Variants in NEGR1 observed in about 807,000 individuals in gnomAD.
NEGR1 encodes neuronal growth regulator 1, also known as IgLON family member 4.
Under a neutral mutation model 40.9 loss-of-function variants are expected in NEGR1, and 10 were observed. The observed-to-expected ratio is 0.24, with a 90% CI of 0.15 to 0.42. NEGR1 has a LOEUF of 0.42. Ranked by LOEUF, NEGR1 falls within the 10% of genes least tolerant of loss-of-function variation. The probability of loss-of-function intolerance (pLI) is 1.00; values close to 1 mark genes in which losing one functional copy is unlikely to be tolerated. For missense variants in NEGR1, 352 were observed against 438.9 expected (o/e 0.80, Z 1.77); for synonymous variants, 185 against 166.8 (o/e 1.11, Z -0.84).
chr1:72,021,862 A>G (rs1385068478), intron 1 of NEGR1, among the ~76,000 whole-genome samples: 1 of 152,136 alleles, frequency 6.6e-6, no homozygotes, highest in Admixed American at 6.6e-5. Context: ...GAGGCTGGGC[A>G]CGGTGGCTCA....
intron 1 of NEGR1, among the ~76,000 whole-genome samples, chr1:72,251,470 G>T (rs751426071): frequency 3.4e-4 from 51 of 152,184 alleles, no homozygotes; most frequent in Admixed American, 7.2e-4. Flanking sequence ...GTATCCATAC[G>T]GGGTTAGTTT....
chr1:71,755,123 T>A (rs561069131), intron 3 of NEGR1, among the ~76,000 whole-genome samples: 9 of 152,294 alleles, frequency 5.9e-5, no homozygotes, highest in African/African-American at 2.2e-4. Flanking sequence ...TCAAATATCC[T>A]TCTCCTCTCC....
At chr1:72,058,910 T>C (rs1647139711) in intron 1 of NEGR1, among the ~76,000 whole-genome samples, 1 of 151,678 alleles carries the variant, frequency 6.6e-6, no homozygotes, top group South Asian at 2.1e-4. Flanking sequence ...ATGTGTAATA[T>C]TAAAAATGGA....
intron 2 of NEGR1, among the ~76,000 whole-genome samples, chr1:71,904,798 G>A (rs1661232055): frequency 6.6e-6 from 1 of 152,042 alleles, no homozygotes; most frequent in South Asian, 2.1e-4. Flanking sequence ...ATGGCATCTG[G>A]CAATTTTACT....
At chr1:71,807,929 T>C (rs1657839421) in intron 2 of NEGR1, among the ~76,000 whole-genome samples, 1 of 152,334 alleles carries the variant, frequency 6.6e-6, no homozygotes, top group Admixed American at 6.5e-5. Context: ...TTATAATTTG[T>C]TCCACTCTCC....
intron 2 of NEGR1, among the ~76,000 whole-genome samples, chr1:71,840,248 C>T (rs529259371): frequency 3.3e-5 from 5 of 152,166 alleles, no homozygotes; most frequent in African/African-American, 1.2e-4. Flanking sequence ...TATAGTTCAA[C>T]AGCTGCAAAT....
At chr1:72,068,274 G>T (rs956642143) in intron 1 of NEGR1, among the ~76,000 whole-genome samples, 4 of 152,128 alleles carry the variant, frequency 2.6e-5, no homozygotes, top group Non-Finnish European at 5.9e-5. Flanking sequence ...CACATGGCAG[G>T]ATCCAGGATC....
At chr1:72,233,093 T>A (rs546799430) in intron 1 of NEGR1, among the ~76,000 whole-genome samples, 1 of 152,168 alleles carries the variant, frequency 6.6e-6, no homozygotes, top group South Asian at 2.1e-4. Context: ...GTAAATACAC[T>A]GAAATACAGA....
intron 1 of NEGR1, among the ~76,000 whole-genome samples, chr1:72,206,782 G>C (rs968835392): frequency 2.0e-5 from 3 of 151,992 alleles, no homozygotes; most frequent in Admixed American, 2.0e-4. Context: ...CTCTAAAATA[G>C]CTAAAATTTC....
At chr1:71,450,859 T>C (rs981325283) in intron 6 of NEGR1, among the ~76,000 whole-genome samples, 2 of 152,138 alleles carry the variant, frequency 1.3e-5, no homozygotes, top group African/African-American at 4.8e-5. Context: ...GGTAACTTTT[T>C]CTTTTGTTTC....
At chr1:71,879,055 C>G (rs538980905) in intron 2 of NEGR1, among the ~76,000 whole-genome samples, 23 of 151,864 alleles carry the variant, frequency 1.5e-4, no homozygotes, top group African/African-American at 5.1e-4. Context: ...ATCACTTGAA[C>G]CCGGGAGGCA....
chr1:72,247,582 T>C (rs1223608133), intron 1 of NEGR1, among the ~76,000 whole-genome samples: 1 of 152,158 alleles, frequency 6.6e-6, no homozygotes, highest in African/African-American at 2.4e-5. Context: ...CCCAATAACT[T>C]CCTCATTTCT....
intron 3 of NEGR1, among the ~76,000 whole-genome samples, chr1:71,725,052 T>C (rs1483208453): frequency 1.3e-5 from 2 of 152,134 alleles, no homozygotes; most frequent in African/African-American, 2.4e-5. Flanking sequence ...TAATGTTCAG[T>C]GTTTTCCAAA....
intron 3 of NEGR1, among the ~76,000 whole-genome samples, chr1:71,717,960 C>CG (rs1430916564): frequency 6.6e-6 from 1 of 152,150 alleles, no homozygotes; most frequent in Non-Finnish European, 1.5e-5. Context: ...AAGGAACCAA[C>CG]ATGGCCAAAT....
intron 2 of NEGR1, among the ~76,000 whole-genome samples, chr1:71,850,596 T>C (rs1225416574): frequency 6.6e-6 from 1 of 152,176 alleles, no homozygotes; most frequent in African/African-American, 2.4e-5. Context: ...ATGTTATTCA[T>C]TCATCTCATT....
At chr1:71,475,113 A>C (rs1413295403) in intron 6 of NEGR1, among the ~76,000 whole-genome samples, 1 of 152,084 alleles carries the variant, frequency 6.6e-6, no homozygotes, top group Non-Finnish European at 1.5e-5. Context: ...GATAATGGGG[A>C]CTTAAACTCT....
intron 1 of NEGR1, among the ~76,000 whole-genome samples, chr1:72,009,351 C>A (rs1242558527): frequency 6.6e-6 from 1 of 152,016 alleles, no homozygotes; most frequent in African/African-American, 2.4e-5. Flanking sequence ...CTAAGTTATC[C>A]CTGTCTTTGT....
intron 1 of NEGR1, among the ~76,000 whole-genome samples, chr1:72,011,007 A>T (rs2100401272): frequency 6.6e-6 from 1 of 152,302 alleles, no homozygotes; most frequent in East Asian, 1.9e-4. Context: ...TGCCATAAGA[A>T]TAACTGACTC....
intron 4 of NEGR1, among the ~76,000 whole-genome samples, chr1:71,623,537 T>A (rs1006542683): frequency 1.3e-5 from 2 of 151,878 alleles, no homozygotes; most frequent in African/African-American, 4.8e-5. Context: ...GTGATAGTAG[T>A]TGTAGAATTG....
Sources: gnomAD v4.1 joint callset for allele counts (sites outside exome capture counted in the v4.1 genomes callset) on GRCh38, gnomAD v4.1.1 for gene constraint, MANE v1.5 for transcripts, NCBI Gene and HGNC (gene_info 2026-07-23, HGNC 2026-07-21) for gene names.